EBF2: variants seen among roughly 807,000 people sequenced by gnomAD.
EBF2 encodes the protein transcription factor COE2.
In EBF2, 21 loss-of-function variants were observed where a neutral mutation model predicts 72.8. The ratio of observed to expected loss-of-function variants is 0.29; its 90% CI spans 0.20 to 0.42. EBF2 has a LOEUF of 0.42. EBF2 is among the 10% of genes least tolerant of loss of function. The probability of loss-of-function intolerance (pLI) is 1.00; values close to 1 mark genes in which losing one functional copy is unlikely to be tolerated. For synonymous variants in EBF2, 299 were observed against 274.2 expected, an observed-to-expected ratio of 1.09 and a Z score of -0.89; for missense variants, 637 against 731.2, an observed-to-expected ratio of 0.87 and a Z score of 1.49.
At chr8:25,871,884 C>A (rs1218105217) in intron 10 of EBF2, among the ~76,000 whole-genome samples, 1 of 151,538 alleles carries the variant, frequency 6.6e-6, no homozygotes, top group Non-Finnish European at 1.5e-5. Flanking sequence ...TAAATATAAA[C>A]TATAAGCAAT....
intron 7 of EBF2, among the ~76,000 whole-genome samples, chr8:25,907,797 A>T (rs1430821444): frequency 6.6e-6 from 1 of 152,170 alleles, no homozygotes; most frequent in African/African-American, 2.4e-5. Flanking sequence ...CAGGAAAGCC[A>T]TTTGGTGAAT....
chr8:26,023,661 G>C (rs1479806721), intron 6 of EBF2, among the ~76,000 whole-genome samples: 1 of 152,166 alleles, frequency 6.6e-6, no homozygotes, highest in Non-Finnish European at 1.5e-5. Flanking sequence ...AAAATTCACA[G>C]ATTGCCAGAT....
chr8:25,880,952 T>C (rs1376981499), intron 10 of EBF2, among the ~76,000 whole-genome samples: 2 of 152,054 alleles, frequency 1.3e-5, no homozygotes, highest in Non-Finnish European at 2.9e-5. Context: ...ATGAGTGTCG[T>C]CCCCTCCTTC....
In EBF2 at chr8:25,989,694, T is replaced by C. The variant is rs566786417; in HGVS notation, c.551+43391A>G. ...CTGTCTCTTTCCAGTATGCCTGCAA[T>C]TGAAAGACATTGTGTATTCCATGTA... On this transcript the variant is annotated intron_variant, in intron 6 of 15. Transcript: ENST00000520164. Among the ~76,000 whole-genome samples the C allele has an allele frequency of 3.9e-5, 6 of 152,332 alleles. No individual in the cohort carries two copies. The East Asian group carries it at 9.6e-4, about 24-fold the overall frequency.
At chr8:26,020,805 T>C (rs537713639) in intron 6 of EBF2, among the ~76,000 whole-genome samples, 26 of 152,156 alleles carry the variant, frequency 1.7e-4, no homozygotes, top group African/African-American at 6.0e-4. Context: ...GTCTAAAGGG[T>C]GGTTACTCTT....
chr8:25,895,258 G>T (rs1464338565), intron 7 of EBF2, among the ~76,000 whole-genome samples: 2 of 152,194 alleles, frequency 1.3e-5, no homozygotes, highest in Non-Finnish European at 2.9e-5. Flanking sequence ...TTAGGACAAA[G>T]TACCTTTAAC....
At chr8:25,992,739 CA>C (rs1361162230) in intron 6 of EBF2, among the ~76,000 whole-genome samples, 1 of 151,658 alleles carries the variant, frequency 6.6e-6, no homozygotes, top group African/African-American at 2.4e-5. Context: ...TTCATCGCTA[CA>C]AAAAAATACA....
intron 6 of EBF2, among the ~76,000 whole-genome samples, chr8:25,927,143 A>G (rs1328270909): frequency 6.6e-6 from 1 of 152,124 alleles, no homozygotes; most frequent in Non-Finnish European, 1.5e-5. Context: ...GAAGGCCTCA[A>G]TGGCAAAAAC....
chr8:25,975,077 C>T lies in EBF2; in HGVS notation c.551+58008G>A, dbSNP rs556730173. 1.2e-4 allele frequency among the ~76,000 whole-genome samples: 19 copies of T among 152,142 alleles called. No homozygotes were observed. The East Asian group carries it at 3.5e-3, about 28-fold the overall frequency. On this transcript the variant is annotated intron_variant, in intron 6 of 15. Transcript: ENST00000520164. ...AGTTAAAGCAGTTGCAACCTCGGCTCGAAATCCCACTCCTAAAACACCATA... is the reference window on the plus strand; with the variant it reads ...AGTTAAAGCAGTTGCAACCTCGGCTTGAAATCCCACTCCTAAAACACCATA...
At chr8:25,890,643 G>A (rs1802761897) in intron 7 of EBF2, among the ~76,000 whole-genome samples, 1 of 152,152 alleles carries the variant, frequency 6.6e-6, no homozygotes, top group African/African-American at 2.4e-5. Context: ...CTGAAATGAG[G>A]TATAATGAGA....
intron 5 of EBF2, among the ~76,000 whole-genome samples, chr8:26,037,205 CTT>C (rs1173357721): frequency 5.3e-5 from 8 of 152,058 alleles, no homozygotes; most frequent in African/African-American, 1.9e-4. Flanking sequence ...TATGAGAACT[CTT>C]ATCACAATCC....
intron 6 of EBF2, among the ~76,000 whole-genome samples, chr8:25,963,120 T>C (rs963230697): frequency 1.6e-4 from 24 of 152,216 alleles, no homozygotes; most frequent in African/African-American, 5.8e-4. Context: ...GATATCCCTT[T>C]CAAGGGCATC....
At chr8:25,901,561 T>A (rs188355769) in intron 7 of EBF2, among the ~76,000 whole-genome samples, 419 of 152,208 alleles carry the variant, frequency 2.8e-3, no homozygotes, top group Middle Eastern at 6.8e-3. Flanking sequence ...CCAATGATCA[T>A]GTATTTTTAA....
At position 25,876,762 on chromosome 8, in the gene EBF2, T is replaced by C. The variant is rs181063826; in HGVS notation, c.1009+9993A>G. 3.9e-5 allele frequency among the ~76,000 whole-genome samples: 6 copies of C among 152,346 alleles called. No homozygotes were observed. The East Asian group carries it at 1.2e-3, about 29-fold the overall frequency. On this transcript the variant is annotated intron_variant, in intron 10 of 15. Transcript: ENST00000520164. Reference sequence around the variant, plus strand: ...GGAATAAGACATCTAGGATTCATCATACCTTGGTGACCTTAGGCAAGTGAC... The same window carrying C: ...GGAATAAGACATCTAGGATTCATCACACCTTGGTGACCTTAGGCAAGTGAC...
intron 10 of EBF2, among the ~76,000 whole-genome samples, chr8:25,879,653 C>T (rs572009574): frequency 6.6e-6 from 1 of 152,300 alleles, no homozygotes; most frequent in Admixed American, 6.5e-5. Flanking sequence ...CTGGTTTCCT[C>T]CTACCCTGAC....
In EBF2 at chr8:25,858,348, T is replaced by C. The variant is rs1194969448; in HGVS notation, c.1499A>G (p.Asn500Ser). ...ATAAGGAGAGCCGGTGGGTGAGCCA[T>C]TTAGAAATCCTGGTGAACCTGGAAC... ...LGVPGSPGFLNGSPTGSPYGI... is the reference protein window; with the variant it reads ...LGVPGSPGFLSGSPTGSPYGI... Residue 500 changes from asparagine (N) to serine (S), a missense_variant, in exon 14 of 16, where the codon AAT becomes AGT. Around this residue, in one of 3 missense-constraint regions of EBF2, gnomAD observed 259 missense variants for 268.1 expected, o/e 0.97. Coordinates refer to ENST00000520164, the MANE Select transcript of EBF2 (RefSeq NM_022659.4). 6.2e-6 allele frequency: 10 copies of C among 1,614,096 alleles called. No homozygotes were observed. The highest frequency in any genetic ancestry group is 8.5e-6 in the Non-Finnish European group (10 of 1,180,002).
chr8:25,939,104 C>T (rs1308370831), intron 6 of EBF2, among the ~76,000 whole-genome samples: 2 of 152,088 alleles, frequency 1.3e-5, no homozygotes, highest in African/African-American at 4.8e-5. Flanking sequence ...AAATCAAAAA[C>T]TAAAAAATCA....
intron 6 of EBF2, among the ~76,000 whole-genome samples, chr8:25,917,575 A>C (rs1182436740): frequency 6.6e-6 from 1 of 152,210 alleles, no homozygotes; most frequent in African/African-American, 2.4e-5. Flanking sequence ...AGCAAAACTG[A>C]ATCATATTAT....
At chr8:26,009,789 C>T (rs1804946855) in intron 6 of EBF2, among the ~76,000 whole-genome samples, 1 of 152,152 alleles carries the variant, frequency 6.6e-6, no homozygotes, top group African/African-American at 2.4e-5. Context: ...GGAAACACCC[C>T]AGTTAGAAAT....
Sources: allele counts gnomAD v4.1 joint callset (sites outside exome capture counted in the v4.1 genomes callset), GRCh38; gene constraint gnomAD v4.1.1; regional missense constraint gnomAD v4.1.1; transcripts MANE v1.5; gene names NCBI Gene and HGNC (gene_info 2026-07-23, HGNC 2026-07-21).